FBXW8: variants seen among roughly 807,000 people sequenced by gnomAD.
FBXW8 encodes F-box and WD repeat domain containing 8, also known as F-box/WD repeat-containing protein 8.
In FBXW8, 57 loss-of-function variants were observed where a neutral mutation model predicts 65.3. The observed-to-expected ratio is 0.87, with a 90% CI of 0.71 to 1.09. The LOEUF is 1.09. Among genes scored for constraint, FBXW8 ranks in the 50% least tolerant of loss-of-function variants. The probability of loss-of-function intolerance (pLI) is 0.00; values close to 1 mark genes in which losing one functional copy is unlikely to be tolerated. For missense variants in FBXW8, 777 were observed against 814.8 expected, an observed-to-expected ratio of 0.95 and a Z score of 0.57; for synonymous variants, 308 against 330.2, an observed-to-expected ratio of 0.93 and a Z score of 0.73.
intron 5 of FBXW8, among the ~76,000 whole-genome samples, chr12:116,983,527 C>T (rs77148623): frequency 0.023 from 3,554 of 152,270 alleles, 86 homozygotes; most frequent in South Asian, 0.057. Context: ...TTATTTTCTT[C>T]CAATTCTCTA....
chr12:116,996,746 T>C (rs1400885053), intron 7 of FBXW8, among the ~76,000 whole-genome samples: 1 of 152,220 alleles, frequency 6.6e-6, no homozygotes, highest in Non-Finnish European at 1.5e-5. Flanking sequence ...TGAGTGATGC[T>C]GACTCCCAAA....
chr12:116,974,661 C>T (rs1884816258), intron 5 of FBXW8, among the ~76,000 whole-genome samples: 2 of 152,206 alleles, frequency 1.3e-5, no homozygotes, highest in African/African-American at 4.8e-5. Flanking sequence ...AGGAGGATCA[C>T]TTGAGCCTGG....
intron 5 of FBXW8, among the ~76,000 whole-genome samples, chr12:116,972,680 A>C (rs1163506261): frequency 6.6e-6 from 1 of 152,202 alleles, no homozygotes; most frequent in Non-Finnish European, 1.5e-5. Flanking sequence ...TGCTTGGAGA[A>C]GGAAGGCTCA....
At chr12:117,015,117 A>G (rs7957907) in intron 8 of FBXW8, among the ~76,000 whole-genome samples, 27,869 of 152,090 alleles carry the variant, frequency 0.18, 3,161 homozygotes, top group African/African-American at 0.32. Context: ...AGTCAGAAAG[A>G]TGGAGTTTCT....
intron 5 of FBXW8, among the ~76,000 whole-genome samples, chr12:116,984,782 G>T (rs1215178093): frequency 6.6e-6 from 1 of 152,126 alleles, no homozygotes; most frequent in African/African-American, 2.4e-5. Context: ...CTTGACCCCA[G>T]TAGTTCAAAA....
At chr12:117,009,219 T>C (rs556786626) in intron 7 of FBXW8, among the ~76,000 whole-genome samples, 1 of 152,192 alleles carries the variant, frequency 6.6e-6, no homozygotes, top group African/African-American at 2.4e-5. Context: ...TTAAAAAATT[T>C]TTTAAAAAAG....
At chr12:116,932,759 C>T (rs1881869439) in intron 2 of FBXW8, among the ~76,000 whole-genome samples, 1 of 152,180 alleles carries the variant, frequency 6.6e-6, no homozygotes, top group South Asian at 2.1e-4. Flanking sequence ...GTCTCCATCT[C>T]TTGACCTCGT....
chr12:116,996,890 GCCTTGTGGT>G (rs1953391248), intron 7 of FBXW8, among the ~76,000 whole-genome samples: 1 of 152,154 alleles, frequency 6.6e-6, no homozygotes, highest in African/African-American at 2.4e-5. Context: ...AGGGATTACA[GCCTTGTGGT>G]CCTTAACAGC....
At chr12:117,019,797 A>G (rs930386218) in intron 8 of FBXW8, among the ~76,000 whole-genome samples, 1 of 152,184 alleles carries the variant, frequency 6.6e-6, no homozygotes, top group Non-Finnish European at 1.5e-5. Context: ...CGTCCAGAAT[A>G]AAACACAAAA....
At chr12:117,024,377 C>T (rs1225611833) in intron 9 of FBXW8, 57 bp downstream of exon 9, 2 of 1,594,442 alleles carry the variant, frequency 1.3e-6, no homozygotes, top group East Asian at 2.2e-5. Flanking sequence ...GAAGGCAGCA[C>T]TAATCAGCCT....
chr12:116,963,311 G>C (rs1379042588), intron 4 of FBXW8, among the ~76,000 whole-genome samples: 4 of 152,124 alleles, frequency 2.6e-5, no homozygotes, highest in Admixed American at 1.3e-4. Flanking sequence ...TTCTCTATAA[G>C]AAATTCCACC....
chr12:116,949,639 G>A lies in FBXW8; in HGVS notation c.610G>A (p.Glu204Lys), dbSNP rs894072723. ...NWKNRKGAVSELEHVPDTVLC... is the reference protein window; with the variant it reads ...NWKNRKGAVSKLEHVPDTVLC... ...GCAGAATCGCAAAGGTGCCGTGAGC[G>A]AGCTGGAGCATGTTCCTGACACAGT... The change falls in exon 4 of 11, where the codon GAG (glutamate) becomes AAG (lysine). Residue 204 changes from glutamate to lysine, a missense_variant. Transcript: ENST00000652555. 5 of 1,614,208 alleles carry A rather than the reference G, an allele frequency of 3.1e-6. No homozygotes were observed. The highest frequency in any genetic ancestry group is 1.7e-6 in the Non-Finnish European group (2 of 1,180,036).
At chr12:116,933,858 AG>A in intron 2 of FBXW8, among the ~76,000 whole-genome samples, 1 of 152,348 alleles carries the variant, frequency 6.6e-6, no homozygotes, top group East Asian at 1.9e-4. Context: ...ATTTTGAAAC[AG>A]GGAGGAAATC....
Position 116,939,573 on chromosome 12 carries a change from T to C in FBXW8, c.424-5791T>C, listed in dbSNP as rs534043409. ...AAAGAATGGCTACATTTATATGATC[T>C]CTTGATTACTCTTGAGTCTTTTTTG... On this transcript the variant is annotated intron_variant, in intron 2 of 10. Coordinates refer to ENST00000652555, the MANE Select transcript of FBXW8 (RefSeq NM_153348.3). 5.9e-5 allele frequency among the ~76,000 whole-genome samples: 9 copies of C among 152,344 alleles called. No homozygotes were observed. The East Asian group carries it at 1.7e-3, about 29-fold the overall frequency.
At chr12:117,017,915 C>T (rs1299966093) in intron 8 of FBXW8, among the ~76,000 whole-genome samples, 2 of 152,128 alleles carry the variant, frequency 1.3e-5, no homozygotes, top group African/African-American at 4.8e-5. Context: ...TTGCTTCTTG[C>T]CCTGACAAAT....
intron 1 of FBXW8, among the ~76,000 whole-genome samples, chr12:116,912,852 GC>G (rs1880102718): frequency 6.6e-6 from 1 of 152,172 alleles, no homozygotes. Flanking sequence ...AGCATTAATA[GC>G]TACTATTTGA....
At chr12:116,990,220 A>AC (rs761496698) in intron 7 of FBXW8, among the ~76,000 whole-genome samples, 28 of 152,174 alleles carry the variant, frequency 1.8e-4, no homozygotes, top group Non-Finnish European at 3.4e-4. Context: ...CTCAATGTGA[A>AC]ACTTTATCAT....
chr12:117,028,244 C>G lies in FBXW8; in HGVS notation c.*72C>G. 6.4e-7 allele frequency: 1 copy of G among 1,571,282 alleles called. No homozygotes were observed. Among genetic ancestry groups the G allele is most frequent in the Non-Finnish European group, 8.7e-7 (1 of 1,154,334 alleles). On this transcript the variant is annotated 3_prime_UTR_variant, in exon 11 of 11. Transcript: ENST00000652555. The surrounding 1 kb of genome is among the most constrained non-coding windows in gnomAD (Gnocchi z 4.1). ...TTTATCCATCTTAAAACGCCAGGCACCTCTTCACAGGTGGTAAACATTTAG... is the reference window on the plus strand; with the variant it reads ...TTTATCCATCTTAAAACGCCAGGCAGCTCTTCACAGGTGGTAAACATTTAG...
At chr12:116,998,667 G>A (rs764104928) in intron 7 of FBXW8, among the ~76,000 whole-genome samples, 16 of 152,100 alleles carry the variant, frequency 1.1e-4, no homozygotes, top group African/African-American at 3.4e-4. Flanking sequence ...AAATCAGCTC[G>A]TTCTCCAGTT....
Sources: gnomAD v4.1 joint callset for allele counts (sites outside exome capture counted in the v4.1 genomes callset) on GRCh38, gnomAD v4.1.1 for gene constraint, Gnocchi (gnomAD v3.1) non-coding constraint, MANE v1.5 for transcripts, NCBI Gene and HGNC (gene_info 2026-07-23, HGNC 2026-07-21) for gene names.